The following MAGI2 variants were observed in gnomAD, a reference collection of about 807,000 sequenced individuals.
MAGI2 encodes the protein membrane associated guanylate kinase, WW and PDZ domain containing 2.
A neutral mutation model predicts 133.3 loss-of-function variants in MAGI2; 35 were observed. The observed-to-expected ratio is 0.26, with a 90% CI of 0.20 to 0.35. MAGI2 has a LOEUF of 0.35. MAGI2 is among the 10% of genes least tolerant of loss of function. The pLI, the probability that MAGI2 is intolerant of heterozygous loss-of-function variation, is 1.00. For synonymous variants in MAGI2, 729 were observed against 710.6 expected, an observed-to-expected ratio of 1.03 and a Z score of -0.41; for missense variants, 1,636 against 1,863.4, an observed-to-expected ratio of 0.88 and a Z score of 2.25.
At chr7:78,899,224 T>C (rs940091755) in intron 2 of MAGI2, among the ~76,000 whole-genome samples, 1 of 152,136 alleles carries the variant, frequency 6.6e-6, no homozygotes, top group African/African-American at 2.4e-5. Flanking sequence ...ACAGGAAGTA[T>C]TGAAAGGAAA....
intron 6 of MAGI2, among the ~76,000 whole-genome samples, chr7:78,437,364 T>G (rs1362862492): frequency 6.6e-6 from 1 of 152,182 alleles, no homozygotes; most frequent in Non-Finnish European, 1.5e-5. Context: ...GGGGAAGAAG[T>G]CATGCAAAAA....
chr7:78,809,652 A>G (rs543577839), intron 2 of MAGI2, among the ~76,000 whole-genome samples: 1 of 151,432 alleles, frequency 6.6e-6, no homozygotes, highest in African/African-American at 2.4e-5. Flanking sequence ...TTTTCCTATT[A>G]CTAAATTTTT....
At chr7:78,859,787 C>A (rs1794002483) in intron 2 of MAGI2, among the ~76,000 whole-genome samples, 1 of 152,122 alleles carries the variant, frequency 6.6e-6, no homozygotes, top group Non-Finnish European at 1.5e-5. Context: ...TGTTGGCCTG[C>A]CTCACTAGGT....
At chr7:78,929,223 T>C (rs1023932411) in intron 2 of MAGI2, among the ~76,000 whole-genome samples, 3 of 152,060 alleles carry the variant, frequency 2.0e-5, no homozygotes, top group Non-Finnish European at 4.4e-5. Context: ...ATAAGAAAGG[T>C]GAACATTTTA....
At chr7:78,547,386 CAAT>C (rs1334584275) in intron 3 of MAGI2, among the ~76,000 whole-genome samples, 2 of 152,340 alleles carry the variant, frequency 1.3e-5, no homozygotes, top group South Asian at 2.1e-4. Context: ...AGTTCATAAA[CAAT>C]AAGAAATATG....
chr7:79,201,979 C>A (rs1434341987), intron 1 of MAGI2, among the ~76,000 whole-genome samples: 1 of 151,764 alleles, frequency 6.6e-6, no homozygotes, highest in Non-Finnish European at 1.5e-5. Context: ...ATATTTTTAT[C>A]AATTTCATGA....
intron 2 of MAGI2, among the ~76,000 whole-genome samples, chr7:78,874,605 G>A (rs1246214236): frequency 6.6e-6 from 1 of 152,146 alleles, no homozygotes; most frequent in African/African-American, 2.4e-5. Flanking sequence ...GATGTAGAGA[G>A]TAGAATATCA....
At chr7:78,622,826 T>C (rs188491940) in intron 3 of MAGI2, among the ~76,000 whole-genome samples, 3 of 152,120 alleles carry the variant, frequency 2.0e-5, no homozygotes, top group Admixed American at 1.3e-4. Flanking sequence ...AATCCATGTA[T>C]ACAATGTGTA....
At chr7:79,008,555 C>A (rs967671086) in intron 1 of MAGI2, among the ~76,000 whole-genome samples, 3 of 152,104 alleles carry the variant, frequency 2.0e-5, no homozygotes, top group African/African-American at 7.2e-5. Flanking sequence ...GTCTCTTAAT[C>A]TATTTTTCCA....
chr7:78,284,553 C>A (rs955032351), intron 9 of MAGI2, among the ~76,000 whole-genome samples: 6 of 151,694 alleles, frequency 4.0e-5, no homozygotes, highest in East Asian at 1.9e-4. Context: ...CAGTATCTAG[C>A]TGAACTTTTG....
chr7:78,870,546 T>A (rs1794950276), intron 2 of MAGI2, among the ~76,000 whole-genome samples: 1 of 152,008 alleles, frequency 6.6e-6, no homozygotes, highest in Non-Finnish European at 1.5e-5. Context: ...CATCAAAAAA[T>A]AATAAATATT....
chr7:78,114,211 G>C (rs535970554), intron 20 of MAGI2, among the ~76,000 whole-genome samples: 1 of 152,348 alleles, frequency 6.6e-6, no homozygotes, highest in South Asian at 2.1e-4. Context: ...CTCTAAGCAA[G>C]TCTTCAGGGC....
At chr7:78,156,488 A>C (rs569029306) in intron 16 of MAGI2, among the ~76,000 whole-genome samples, 1 of 152,342 alleles carries the variant, frequency 6.6e-6, no homozygotes, top group South Asian at 2.1e-4. Flanking sequence ...ATATCTAGAT[A>C]GCAGCAATGA....
chr7:78,918,527 C>T (rs976886513), intron 2 of MAGI2, among the ~76,000 whole-genome samples: 3 of 152,074 alleles, frequency 2.0e-5, no homozygotes, highest in Non-Finnish European at 4.4e-5. Flanking sequence ...GCTCAATAAA[C>T]ATTTAATGAT....
intron 16 of MAGI2, among the ~76,000 whole-genome samples, chr7:78,156,253 T>C (rs1354646493): frequency 6.6e-6 from 1 of 152,114 alleles, no homozygotes; most frequent in African/African-American, 2.4e-5. Flanking sequence ...GGCTGTAATT[T>C]GGTGGGTAGT....
At chr7:78,523,212 T>C (rs1796659932) in intron 3 of MAGI2, among the ~76,000 whole-genome samples, 1 of 152,222 alleles carries the variant, frequency 6.6e-6, no homozygotes, top group African/African-American at 2.4e-5. Flanking sequence ...AATTTCTTCA[T>C]CTGTAAGTTG....
chr7:78,413,663 G>A (rs560535649), intron 6 of MAGI2, among the ~76,000 whole-genome samples: 114 of 152,148 alleles, frequency 7.5e-4, no homozygotes, highest in African/African-American at 2.6e-3. Context: ...AGTTTTGAAA[G>A]AGAAGGCAAG....
chr7:78,402,536 T>C (rs1796986691), intron 6 of MAGI2, among the ~76,000 whole-genome samples: 1 of 152,192 alleles, frequency 6.6e-6, no homozygotes, highest in Admixed American at 6.5e-5. Context: ...TCAACTAATA[T>C]CATGCTATAC....
rs75136309 is a variant in MAGI2 at position 78,035,673 on chromosome 7, C to T, written c.3707-15697G>A. Among the ~76,000 whole-genome samples, 430 of 152,202 alleles carry T rather than the reference C, an allele frequency of 2.8e-3. 1 individual carries two copies. Among genetic ancestry groups the T allele is most frequent in the African/African-American group, 0.01 (420 of 41,520 alleles). ...ATCAGGCCATCTGGCCACTGGCTTC[C>T]ACTCTTCAGCCCAGCCTGTATTCTG... is the stretch of plus-strand genomic sequence containing the variant. On this transcript the variant is annotated intron_variant, in intron 21 of 21. Transcript: ENST00000354212.
Sources: allele counts gnomAD v4.1 joint callset (sites outside exome capture counted in the v4.1 genomes callset), GRCh38; gene constraint gnomAD v4.1.1; transcripts MANE v1.5; gene names NCBI Gene and HGNC (gene_info 2026-07-23, HGNC 2026-07-21).